The following MACROD2 variants were observed in gnomAD, a reference collection of about 807,000 sequenced individuals.
MACROD2 encodes mono-ADP ribosylhydrolase 2.
A neutral mutation model predicts 70.4 loss-of-function variants in MACROD2; 36 were observed. The observed-to-expected ratio is 0.51, with a 90% CI of 0.39 to 0.68. The LOEUF (loss-of-function observed/expected upper bound fraction) is 0.68. Among genes scored for constraint, MACROD2 ranks in the 30% least tolerant of loss-of-function variants. The pLI, the probability that MACROD2 is intolerant of heterozygous loss-of-function variation, is 0.00. For synonymous variants in MACROD2, 172 were observed against 178.8 expected (o/e 0.96, Z 0.30); for missense variants, 496 against 538.4 (o/e 0.92, Z 0.78).
intron 4 of MACROD2, among the ~76,000 whole-genome samples, chr20:14,556,484 T>A (rs181773837): frequency 9.4e-4 from 141 of 150,516 alleles, no homozygotes; most frequent in African/African-American, 3.4e-3. Context: ...TCCAAGAAAG[T>A]CTTGTTTTCT....
intron 3 of MACROD2, among the ~76,000 whole-genome samples, chr20:14,088,558 A>G (rs1162978142): frequency 6.6e-6 from 1 of 152,140 alleles, no homozygotes; most frequent in Non-Finnish European, 1.5e-5. Flanking sequence ...AGGAAGTACA[A>G]TTGATCATAT....
chr20:14,227,992 T>C (rs975826869), intron 3 of MACROD2, among the ~76,000 whole-genome samples: 3 of 152,182 alleles, frequency 2.0e-5, no homozygotes, highest in Non-Finnish European at 4.4e-5. Flanking sequence ...AGGTTTACAG[T>C]ACAATTGGGC....
chr20:15,564,225 T>C (rs750709335), intron 8 of MACROD2, among the ~76,000 whole-genome samples: 83 of 152,210 alleles, frequency 5.5e-4, no homozygotes, highest in Non-Finnish European at 9.8e-4. Flanking sequence ...AGCCTGACTT[T>C]CAGACAGTGC....
intron 5 of MACROD2, among the ~76,000 whole-genome samples, chr20:15,012,125 A>G (rs1213010351): frequency 6.6e-6 from 1 of 152,194 alleles, no homozygotes; most frequent in Non-Finnish European, 1.5e-5. Flanking sequence ...GGTCACAAAA[A>G]CCTGACTGAA....
chr20:15,530,378 A>G (rs1274009501), intron 8 of MACROD2, among the ~76,000 whole-genome samples: 1 of 152,212 alleles, frequency 6.6e-6, no homozygotes, highest in Non-Finnish European at 1.5e-5. Flanking sequence ...CTAAGATTTC[A>G]GTAGCATGAT....
At chr20:15,517,159 C>T (rs373696072) in intron 8 of MACROD2, among the ~76,000 whole-genome samples, 26 of 152,078 alleles carry the variant, frequency 1.7e-4, no homozygotes, top group African/African-American at 5.6e-4. Context: ...TAAAAAGTCC[C>T]GGTGGCCACC....
Position 16,053,088 on chromosome 20 carries a change from CTGTT to C in MACROD2, c.*3218_*3221del, listed in dbSNP as rs1437934925. ...TTTAAATGCTGGACTGCTTCTAAAT[CTGTT>C]TGTTTCTTTTCATCTGTGCCATACA... is the stretch of plus-strand genomic sequence containing the variant. On this transcript the variant is annotated 3_prime_UTR_variant, in exon 18 of 18. Transcript: ENST00000684519. 4 of 152,586 alleles carry C rather than the reference CTGTT, an allele frequency of 2.6e-5. No individual in the cohort carries two copies. The highest frequency in any genetic ancestry group is 4.1e-4 in the South Asian group (2 of 4,820). The allele number at this position is 152,586 out of a possible 1,614,324, so 9.5% of individuals were successfully genotyped here.
intron 6 of MACROD2, among the ~76,000 whole-genome samples, chr20:15,289,414 A>G (rs1270792717): frequency 1.3e-5 from 2 of 152,216 alleles, no homozygotes; most frequent in East Asian, 3.8e-4. Flanking sequence ...AGTCAATGAT[A>G]TATTAAAGGA....
chr20:15,986,875 G>A, intron 14 of MACROD2, 74 bp downstream of exon 14: 1 of 1,192,766 alleles, frequency 8.4e-7, no homozygotes, highest in Non-Finnish European at 1.2e-6. Flanking sequence ...ATATACCTGT[G>A]TGTGTGCGTG....
intron 8 of MACROD2, among the ~76,000 whole-genome samples, chr20:15,799,756 T>G (rs1242946821): frequency 6.6e-6 from 1 of 152,198 alleles, no homozygotes; most frequent in Non-Finnish European, 1.5e-5. Context: ...AACAGGTGAG[T>G]GCAGGCATCC....
At chr20:14,023,396 T>G (rs974621003) in intron 2 of MACROD2, among the ~76,000 whole-genome samples, 5 of 152,218 alleles carry the variant, frequency 3.3e-5, no homozygotes, top group Non-Finnish European at 7.3e-5. Flanking sequence ...AGAAGTTCTT[T>G]AGTTTAATTA....
chr20:15,035,015 C>A (rs1474824526), intron 5 of MACROD2, among the ~76,000 whole-genome samples: 1 of 152,086 alleles, frequency 6.6e-6, no homozygotes, highest in Non-Finnish European at 1.5e-5. Context: ...AATTTTAGGT[C>A]TTTTGATATG....
At chr20:14,268,309 G>A (rs911329216) in intron 3 of MACROD2, among the ~76,000 whole-genome samples, 1 of 152,048 alleles carries the variant, frequency 6.6e-6, no homozygotes, top group Non-Finnish European at 1.5e-5. Flanking sequence ...TTTATCAGTT[G>A]TGTCAAAAAT....
intron 15 of MACROD2, among the ~76,000 whole-genome samples, chr20:16,030,798 C>T (rs2147580586): frequency 6.6e-6 from 1 of 152,202 alleles, no homozygotes; most frequent in African/African-American, 2.4e-5. Flanking sequence ...ACAAAAATTG[C>T]TCTATGTGAG....
intron 5 of MACROD2, among the ~76,000 whole-genome samples, chr20:14,838,593 T>G (rs574875931): frequency 6.6e-6 from 1 of 152,134 alleles, no homozygotes; most frequent in African/African-American, 2.4e-5. Context: ...ATAGCATAAA[T>G]TTACTTTTAT....
At chr20:15,079,681 A>G (rs900300997) in intron 5 of MACROD2, among the ~76,000 whole-genome samples, 4 of 152,128 alleles carry the variant, frequency 2.6e-5, no homozygotes, top group African/African-American at 9.6e-5. Flanking sequence ...CCTCAAAGTC[A>G]CCTAGAAAAA....
At position 14,493,556 on chromosome 20, in the gene MACROD2, C is replaced by T. The variant is rs1363542488; in HGVS notation, c.301+48C>T. 4 of 1,463,602 alleles carry T rather than the reference C, an allele frequency of 2.7e-6. No individual in the cohort carries two copies. The Admixed American group carries it at 6.8e-5, about 25-fold the overall frequency. 90.7% of individuals were successfully genotyped at this position (1,463,602 alleles called of 1,614,324 possible). A position where few individuals can be genotyped will look rare whatever the true frequency, so the allele number is the denominator to read the frequency against. ...CTTAAAATACATTTTAATTGTTATA[C>T]CAACTACAAGATATTTAGTAAGTTC... On this transcript the variant is annotated intron_variant, in intron 4 of 17. Coordinates refer to ENST00000684519, the MANE Select transcript of MACROD2 (RefSeq NM_001351661.2).
At chr20:14,802,121 C>T (rs2122143316) in intron 5 of MACROD2, among the ~76,000 whole-genome samples, 1 of 152,166 alleles carries the variant, frequency 6.6e-6, no homozygotes, top group East Asian at 1.9e-4. Context: ...GTCGCATGTG[C>T]TGAACTGAGT....
At chr20:14,746,351 A>T (rs80093513) in intron 5 of MACROD2, among the ~76,000 whole-genome samples, 7,044 of 152,312 alleles carry the variant, frequency 0.046, 230 homozygotes, top group Non-Finnish European at 0.076. Context: ...ATGGGATTTA[A>T]TATCACTTGT....
Sources: gnomAD v4.1 joint callset for allele counts (sites outside exome capture counted in the v4.1 genomes callset) on GRCh38, gnomAD v4.1.1 for gene constraint, MANE v1.5 for transcripts, NCBI Gene and HGNC (gene_info 2026-07-23, HGNC 2026-07-21) for gene names.